WWP1: variants seen among roughly 807,000 people sequenced by gnomAD.
The protein encoded by WWP1 is NEDD4-like E3 ubiquitin-protein ligase WWP1.
Under a neutral mutation model 130.6 loss-of-function variants are expected in WWP1, and 49 were observed. That is an observed-to-expected ratio of 0.38 (90% confidence interval 0.30 to 0.48). The LOEUF is 0.48. Ranked by LOEUF, WWP1 falls within the 20% of genes least tolerant of loss-of-function variation. The probability of loss-of-function intolerance (pLI) is 0.99; values close to 1 mark genes in which losing one functional copy is unlikely to be tolerated. For synonymous variants in WWP1, 332 were observed against 367.8 expected (o/e 0.90, Z 1.11); for missense variants, 809 against 1,100.6 (o/e 0.74, Z 3.75).
chr8:86,400,772 T>C lies in WWP1; in HGVS notation c.540-1247T>C, dbSNP rs1008496226. 2.6e-5 allele frequency among the ~76,000 whole-genome samples: 4 copies of C among 152,362 alleles called. No individual in the cohort carries two copies. The East Asian group carries it at 7.7e-4, about 29-fold the overall frequency. The stretch of plus-strand genomic sequence containing the variant: ...ATATTCAGTAAAATCGATTATCTGC[T>C]GCAAAGTGAGCAAGGATGAGCTTGG... On this transcript the variant is annotated intron_variant, in intron 7 of 24. Transcript: ENST00000517970.
At chr8:86,430,798 CATATATATAT>C (rs36226595) in intron 12 of WWP1, 47 bp downstream of exon 12, 26,360 of 200,748 alleles carry the variant, frequency 0.13, 3,490 homozygotes, top group African/African-American at 0.47. Flanking sequence ...TATATCTCTC[CATATATATAT>C]ATATATATAT....
chr8:86,379,745 G>A (rs574136869), intron 3 of WWP1, among the ~76,000 whole-genome samples: 1 of 152,244 alleles, frequency 6.6e-6, no homozygotes, highest in South Asian at 2.1e-4. Context: ...TAACTTTCCA[G>A]ATAAAACATT....
rs1347597180 is a variant in WWP1 at position 86,464,901 on chromosome 8, G to T, written c.2670-1893G>T. Among the ~76,000 whole-genome samples the T allele has an allele frequency of 4.1e-5, 6 of 147,482 alleles. No homozygotes were observed. In the Admixed American group the frequency reaches 4.4e-4, roughly 11 times the overall value. On this transcript the variant is annotated intron_variant, in intron 24 of 24. Coordinates refer to ENST00000517970, the MANE Select transcript of WWP1 (RefSeq NM_007013.4). Reference sequence around the variant, plus strand: ...TTCAATAAAAGTGATAGATCCATATGTATACACACATGCGCGCGCGTGTGT... The same window carrying T: ...TTCAATAAAAGTGATAGATCCATATTTATACACACATGCGCGCGCGTGTGT...
Position 86,382,645 on chromosome 8 carries a change from G to T in WWP1, c.334+1016G>T, listed in dbSNP as rs1033127213. 2.0e-5 allele frequency among the ~76,000 whole-genome samples: 3 copies of T among 152,170 alleles called. No individual in the cohort carries two copies. The South Asian group carries it at 6.2e-4, about 32-fold the overall frequency. On this transcript the variant is annotated intron_variant, in intron 5 of 24. Coordinates refer to ENST00000517970, the MANE Select transcript of WWP1 (RefSeq NM_007013.4). ...ACCCGGGAGGTGGAGGTTGCAGTGAGCCAAGATTGCACCACTGCACTCCCA... is the reference window on the plus strand; with the variant it reads ...ACCCGGGAGGTGGAGGTTGCAGTGATCCAAGATTGCACCACTGCACTCCCA...
At chr8:86,350,000 C>G (rs144657283) in intron 1 of WWP1, among the ~76,000 whole-genome samples, 2 of 152,022 alleles carry the variant, frequency 1.3e-5, no homozygotes, top group Non-Finnish European at 2.9e-5. Flanking sequence ...CCCACGCGCT[C>G]CAAGCCCCAA....
chr8:86,423,820 C>A (rs879276454), intron 9 of WWP1, among the ~76,000 whole-genome samples: 41 of 147,226 alleles, frequency 2.8e-4, no homozygotes, highest in Non-Finnish European at 5.1e-4. Context: ...CGCCCCCCCC[C>A]CACCTCCCGG....
intron 24 of WWP1, among the ~76,000 whole-genome samples, chr8:86,466,556 T>A (rs71502658): frequency 0.27 from 40,724 of 151,436 alleles, 6,307 homozygotes; most frequent in East Asian, 0.53. Flanking sequence ...TTTTTTTAAA[T>A]TTGTCTTTAT....
chr8:86,427,841 T>G (rs1809718451), intron 11 of WWP1, 24 bp downstream of exon 11: 2 of 1,579,468 alleles, frequency 1.3e-6, no homozygotes, highest in African/African-American at 2.7e-5. Flanking sequence ...TGTAAGATGT[T>G]AACATAACTT....
intron 7 of WWP1, among the ~76,000 whole-genome samples, chr8:86,401,558 A>C (rs1440536031): frequency 6.6e-6 from 1 of 152,146 alleles, no homozygotes; most frequent in African/African-American, 2.4e-5. Context: ...CTAAAAAAAA[A>C]AAAAAAAGTT....
intron 5 of WWP1, 30 bp from the exon 6 acceptor site, chr8:86,398,312 G>A: frequency 1.1e-5 from 17 of 1,554,786 alleles, no homozygotes; most frequent in Non-Finnish European, 1.5e-5. Context: ...TGTGGCAAAA[G>A]CTTTTAAATT....
At chr8:86,380,639 A>G (rs1447529733) in intron 3 of WWP1, 87 bp from the exon 4 acceptor site, 4 of 1,375,850 alleles carry the variant, frequency 2.9e-6, no homozygotes, top group African/African-American at 1.5e-5. Flanking sequence ...GTTGCACAAG[A>G]AGCACAATTC....
intron 8 of WWP1, among the ~76,000 whole-genome samples, chr8:86,403,534 A>G (rs1808115964): frequency 6.6e-6 from 1 of 152,106 alleles, no homozygotes; most frequent in Non-Finnish European, 1.5e-5. Context: ...ACTTCAAGTG[A>G]TCCACCTGTC....
chr8:86,428,763 C>T (rs935645170), intron 11 of WWP1, among the ~76,000 whole-genome samples: 4 of 151,966 alleles, frequency 2.6e-5, no homozygotes, highest in Admixed American at 2.0e-4. Flanking sequence ...GGTAAGGTTC[C>T]ATAATTTAGC....
At chr8:86,431,103 TA>T (rs1809942933) in intron 12 of WWP1, among the ~76,000 whole-genome samples, 1 of 137,148 alleles carries the variant, frequency 7.3e-6, no homozygotes, top group African/African-American at 2.7e-5. Context: ...ATTATATATA[TA>T]ATATACAGAA....
At chr8:86,448,672 C>G (rs541095260) in intron 20 of WWP1, among the ~76,000 whole-genome samples, 159 bp downstream of exon 20, 1 of 152,226 alleles carries the variant, frequency 6.6e-6, no homozygotes, top group Non-Finnish European at 1.5e-5. Flanking sequence ...CTTCATTTTC[C>G]CACTGCCATT....
intron 9 of WWP1, among the ~76,000 whole-genome samples, chr8:86,424,209 G>A (rs1809443604): frequency 6.6e-6 from 1 of 151,710 alleles, no homozygotes; most frequent in African/African-American, 2.4e-5. Flanking sequence ...CCCAGACGGG[G>A]CGGCGGGGCA....
intron 21 of WWP1, among the ~76,000 whole-genome samples, chr8:86,454,935 A>G (rs1414178907): frequency 6.6e-6 from 1 of 152,054 alleles, no homozygotes. Context: ...GTGTGAGAAA[A>G]TACAGATTTT....
At chr8:86,405,557 G>T (rs1390736924) in intron 8 of WWP1, among the ~76,000 whole-genome samples, 1 of 151,876 alleles carries the variant, frequency 6.6e-6, no homozygotes, top group Admixed American at 6.6e-5. Context: ...TTTGAGACAG[G>T]GTCTTGCCCT....
intron 8 of WWP1, among the ~76,000 whole-genome samples, chr8:86,402,625 T>C (rs1462111481): frequency 6.6e-6 from 1 of 152,198 alleles, no homozygotes. Flanking sequence ...TAGTCTATGA[T>C]AGGAATTTAA....
Sources: gnomAD v4.1 joint callset for allele counts (sites outside exome capture counted in the v4.1 genomes callset) on GRCh38, gnomAD v4.1.1 for gene constraint, MANE v1.5 for transcripts, NCBI Gene and HGNC (gene_info 2026-07-23, HGNC 2026-07-21) for gene names.